CADPS2: variants seen among roughly 807,000 people sequenced by gnomAD.
The protein encoded by CADPS2 is calcium dependent secretion activator 2.
CADPS2 carries 93 observed loss-of-function variants against 172.5 expected under a neutral mutation model. The ratio of observed to expected loss-of-function variants is 0.54; its 90% CI spans 0.46 to 0.64. The LOEUF (loss-of-function observed/expected upper bound fraction) is 0.64, where lower values mean the gene tolerates loss of function less well. Ranked by LOEUF, CADPS2 falls within the 30% of genes least tolerant of loss-of-function variation. CADPS2 has a pLI of 0.00. For missense variants in CADPS2, 1,420 were observed against 1,565.9 expected (o/e 0.91, Z 1.57); for synonymous variants, 546 against 555.2 (o/e 0.98, Z 0.23).
chr7:122,351,887 A>C (rs1008627723), intron 27 of CADPS2, among the ~76,000 whole-genome samples: 5 of 152,210 alleles, frequency 3.3e-5, no homozygotes, highest in African/African-American at 1.2e-4. Context: ...GTCTAGAAAC[A>C]GTTATGTAGC....
chr7:122,634,078 G>C (rs994110247), intron 3 of CADPS2, among the ~76,000 whole-genome samples: 1 of 152,156 alleles, frequency 6.6e-6, no homozygotes, highest in African/African-American at 2.4e-5. Flanking sequence ...GCTGGATTTT[G>C]TTTGGTAGTA....
chr7:122,692,372 C>T (rs934943446), intron 2 of CADPS2, among the ~76,000 whole-genome samples: 2 of 152,202 alleles, frequency 1.3e-5, no homozygotes, highest in Non-Finnish European at 2.9e-5. Flanking sequence ...GTTCTTTCTC[C>T]CTGCGCTGCA....
chr7:122,405,919 T>C (rs911859127), intron 20 of CADPS2, among the ~76,000 whole-genome samples: 1 of 152,228 alleles, frequency 6.6e-6, no homozygotes, highest in East Asian at 1.9e-4. Flanking sequence ...ACAATGACAC[T>C]GTTGGTGCTA....
chr7:122,455,764 T>C (rs2053688023), intron 14 of CADPS2, among the ~76,000 whole-genome samples: 1 of 152,160 alleles, frequency 6.6e-6, no homozygotes, highest in Non-Finnish European at 1.5e-5. Context: ...TGGAGTGCAG[T>C]GGCACAATTT....
chr7:122,628,395 C>A (rs1212131181), intron 4 of CADPS2, among the ~76,000 whole-genome samples: 2 of 151,778 alleles, frequency 1.3e-5, no homozygotes, highest in Non-Finnish European at 2.9e-5. Context: ...ATTCATTAAA[C>A]TGTAAAATGA....
chr7:122,882,988 T>A (rs561809476), intron 1 of CADPS2, among the ~76,000 whole-genome samples: 1 of 152,300 alleles, frequency 6.6e-6, no homozygotes, highest in East Asian at 1.9e-4. Context: ...CCCAGAATTT[T>A]CTGTAAAACC....
At chr7:122,471,110 G>A (rs1339784818) in intron 14 of CADPS2, among the ~76,000 whole-genome samples, 1 of 152,106 alleles carries the variant, frequency 6.6e-6, no homozygotes, top group African/African-American at 2.4e-5. Flanking sequence ...TGGTATGTAA[G>A]AACTAAAAGG....
intron 6 of CADPS2, among the ~76,000 whole-genome samples, chr7:122,590,396 G>GT (rs1294138520): frequency 6.6e-6 from 1 of 151,804 alleles, no homozygotes; most frequent in African/African-American, 2.4e-5. Context: ...TCTATAACAT[G>GT]TTCTTTTATG....
intron 7 of CADPS2, among the ~76,000 whole-genome samples, chr7:122,576,618 CTT>C (rs2068072176): frequency 6.6e-6 from 1 of 152,112 alleles, no homozygotes; most frequent in Non-Finnish European, 1.5e-5. Context: ...TATGGTTAGG[CTT>C]TGTGTCCCCA....
At chr7:122,349,142 A>G (rs1026403611) in intron 27 of CADPS2, among the ~76,000 whole-genome samples, 2 of 152,240 alleles carry the variant, frequency 1.3e-5, no homozygotes. Flanking sequence ...AAGACAAACT[A>G]TAACTACACA....
At chr7:122,616,696 G>T (rs1463417802) in intron 5 of CADPS2, among the ~76,000 whole-genome samples, 1 of 152,114 alleles carries the variant, frequency 6.6e-6, no homozygotes, top group Non-Finnish European at 1.5e-5. Flanking sequence ...GAGAAAAGCA[G>T]TATCTTTCAC....
chr7:122,339,461 A>T (rs2036439136), intron 28 of CADPS2, among the ~76,000 whole-genome samples: 1 of 152,242 alleles, frequency 6.6e-6, no homozygotes, highest in Non-Finnish European at 1.5e-5. Context: ...TGTTGATTTC[A>T]ACTATTCTTA....
chr7:122,483,197 C>T (rs2057476262), intron 11 of CADPS2, among the ~76,000 whole-genome samples: 3 of 152,004 alleles, frequency 2.0e-5, no homozygotes. Context: ...TATACCAAGG[C>T]ACATCATAAT....
At chr7:122,350,993 A>G (rs1177683520) in intron 27 of CADPS2, among the ~76,000 whole-genome samples, 1 of 151,942 alleles carries the variant, frequency 6.6e-6, no homozygotes, top group Non-Finnish European at 1.5e-5. Flanking sequence ...AGAGAGGAAG[A>G]AATTTAAACA....
chr7:122,883,988 CAGA>C (rs1823627744), intron 1 of CADPS2, among the ~76,000 whole-genome samples: 1 of 152,070 alleles, frequency 6.6e-6, no homozygotes, highest in Non-Finnish European at 1.5e-5. Context: ...AATATTTAAA[CAGA>C]AGGAGTCAGA....
intron 2 of CADPS2, among the ~76,000 whole-genome samples, chr7:122,717,162 CTTG>C (rs2136944338): frequency 6.6e-6 from 1 of 152,228 alleles, no homozygotes; most frequent in South Asian, 2.1e-4. Flanking sequence ...TTTCAACATA[CTTG>C]TCTTTATCTT....
intron 17 of CADPS2, among the ~76,000 whole-genome samples, chr7:122,436,202 G>C (rs1487634809): frequency 6.6e-6 from 1 of 152,064 alleles, no homozygotes; most frequent in Non-Finnish European, 1.5e-5. Context: ...GCTATAGATT[G>C]CAATGATCGT....
intron 1 of CADPS2, among the ~76,000 whole-genome samples, chr7:122,770,218 ATTTCT>A (rs2093666882): frequency 6.6e-6 from 1 of 152,136 alleles, no homozygotes; most frequent in African/African-American, 2.4e-5. Flanking sequence ...TACAATGCTC[ATTTCT>A]TTTCCTTCTT....
chr7:122,479,308 A>C (rs955898027), intron 12 of CADPS2, among the ~76,000 whole-genome samples: 2 of 152,220 alleles, frequency 1.3e-5, no homozygotes, highest in Non-Finnish European at 1.5e-5. Context: ...CACTACTCAC[A>C]TCTGATTATA....
Sources: allele counts gnomAD v4.1 joint callset (sites outside exome capture counted in the v4.1 genomes callset), GRCh38; gene constraint gnomAD v4.1.1; transcripts MANE v1.5; gene names NCBI Gene and HGNC (gene_info 2026-07-23, HGNC 2026-07-21).